The following SEC16B variants were observed in gnomAD, a reference collection of about 807,000 sequenced individuals.
SEC16B encodes protein transport protein Sec16B.
In SEC16B, 115 loss-of-function variants were observed where a neutral mutation model predicts 141.8. That is an observed-to-expected ratio of 0.81 (90% CI 0.70 to 0.95). The LOEUF (loss-of-function observed/expected upper bound fraction) is 0.95. Among genes scored for constraint, SEC16B ranks in the 40% least tolerant of loss-of-function variants. The pLI, the probability that SEC16B is intolerant of heterozygous loss-of-function variation, is 0.00. For missense variants in SEC16B, 1,291 were observed against 1,312.3 expected (o/e 0.98, Z 0.25); for synonymous variants, 493 against 492.5 (o/e 1.00, Z -0.01).
chr1:177,967,547 C>T (rs1445513411), intron 2 of SEC16B, 136 bp downstream of exon 2: 2 of 875,394 alleles, frequency 2.3e-6, no homozygotes, highest in East Asian at 5.3e-5. Flanking sequence ...CAGGATTTAG[C>T]TAAAGCCACG....
At position 177,958,235 on chromosome 1, in the gene SEC16B, G is replaced by A; in HGVS notation, c.1262C>T (p.Ser421Phe). ...LTDEDWPVLS[S>F]GTPNLLTGEI... Reference sequence around the variant, plus strand: ...TCCCGTGAGCAGGTTCGGGGTCCCAGAGCTCAGCACTGGCCAGTCCTCATC... The same window carrying A: ...TCCCGTGAGCAGGTTCGGGGTCCCAAAGCTCAGCACTGGCCAGTCCTCATC... Residue 421 changes from serine (S) to phenylalanine (F), a missense_variant, in exon 10 of 26, where the codon TCT becomes TTT. By Grantham distance (155) the Ser-to-Phe change is radical. Transcript: ENST00000308284. 2 of 1,606,134 alleles carry A rather than the reference G, an allele frequency of 1.2e-6. No homozygotes were observed. The highest frequency in any genetic ancestry group is 1.7e-6 in the Non-Finnish European group (2 of 1,176,124).
At chr1:177,933,993 C>CCCCG (rs1272416013) in intron 20 of SEC16B, among the ~76,000 whole-genome samples, 2 of 150,338 alleles carry the variant, frequency 1.3e-5, no homozygotes, top group African/African-American at 4.9e-5. Context: ...ACAAGCTCCC[C>CCCCG]CCAAAAAAAA....
In SEC16B at chr1:177,937,409, G is replaced by A. The variant is rs752270188; in HGVS notation, c.2308C>T (p.Pro770Ser). The A allele has an allele frequency of 3.1e-6, 5 of 1,610,054 alleles. No individual in the cohort carries two copies. In the Admixed American group the frequency reaches 6.7e-5, roughly 22 times the overall value. Residue 770 changes from proline to serine, a missense_variant, in exon 19 of 26, where the codon CCC (proline) becomes TCC (serine). By Grantham distance (74) the Pro-to-Ser change is moderately conservative. Coordinates refer to ENST00000308284, the MANE Select transcript of SEC16B (RefSeq NM_033127.4). Reference protein sequence around the residue: ...LTPEQTCLLQPSPQQPFPLQP... With the variant: ...LTPEQTCLLQSSPQQPFPLQP... ...AGGGGAAAGGGCTGCTGTGGGCTGG[G>A]CTGGAGCAGGCAGGTCTGCTCAGGT...
intron 10 of SEC16B, among the ~76,000 whole-genome samples, chr1:177,954,871 T>A (rs1652479414): frequency 6.6e-6 from 1 of 152,146 alleles, no homozygotes; most frequent in Admixed American, 6.5e-5. Flanking sequence ...ATATATACAA[T>A]TTTTGTCAAT....
chr1:177,954,385 C>A lies in SEC16B; in HGVS notation c.1366-9G>T. ...GCCCACTCCAAGGCTTCCTGAAAAC[C>A]AAAACATCACATTCAAGAGTGCCTT... On this transcript the variant is annotated splice_polypyrimidine_tract_variant and intron_variant, in intron 10 of 25. Transcript: ENST00000308284. The A allele has an allele frequency of 6.4e-7, 1 of 1,561,560 alleles. No individual in the cohort carries two copies. Among genetic ancestry groups the A allele is most frequent in the Non-Finnish European group, 8.7e-7 (1 of 1,151,214 alleles).
chr1:177,937,625 C>T (rs546572569), intron 18 of SEC16B, 112 bp from the exon 19 acceptor site: 15 of 934,374 alleles, frequency 1.6e-5, no homozygotes, highest in South Asian at 3.7e-5. Context: ...GTCACAAGGA[C>T]GAGCTGTCTA....
chr1:177,960,481 C>A (rs1293500589), intron 7 of SEC16B, 78 bp from the exon 8 acceptor site: 5 of 1,027,428 alleles, frequency 4.9e-6, no homozygotes, highest in Non-Finnish European at 7.5e-6. Context: ...AGTGTCAGAC[C>A]CCAAGGCCGT....
upstream of SEC16B, among the ~76,000 whole-genome samples, chr1:177,971,809 G>C (rs1250873858): frequency 5.3e-5 from 8 of 152,210 alleles, no homozygotes; most frequent in African/African-American, 1.7e-4. Context: ...TTGCACACCA[G>C]TGCAAGTTTA....
At chr1:177,945,692 G>GCTTCA (rs1272590488) in intron 14 of SEC16B, 1 of 152,284 alleles carries the variant, frequency 6.6e-6, no homozygotes, top group South Asian at 2.1e-4. Context: ...TAAAATCTTT[G>GCTTCA]CTTCACTTCA....
upstream of SEC16B, chr1:177,970,190 A>C (rs1470819362): frequency 1.3e-5 from 2 of 152,244 alleles, no homozygotes; most frequent in Non-Finnish European, 2.9e-5. Context: ...GTTCACTCAC[A>C]TGAGAAATCA....
intron 18 of SEC16B, 82 bp downstream of exon 18, chr1:177,939,620 G>A (rs1035474881): frequency 2.5e-6 from 3 of 1,211,524 alleles, no homozygotes; most frequent in African/African-American, 3.0e-5. Context: ...CAAAGGGCGA[G>A]TGCTTTCATA....
chr1:177,972,361 C>T (rs978240315), upstream of SEC16B, among the ~76,000 whole-genome samples: 38 of 152,144 alleles, frequency 2.5e-4, no homozygotes, highest in Non-Finnish European at 3.1e-4. Flanking sequence ...AGTCTTTCGA[C>T]CTGGCAGCTC....
At chr1:177,952,059 A>G (rs1208157249) in intron 11 of SEC16B, 64 bp from the exon 12 acceptor site, 1 of 1,340,268 alleles carries the variant, frequency 7.5e-7, no homozygotes, top group Non-Finnish European at 1.0e-6. Flanking sequence ...ATTGCCCACA[A>G]GGCTCAGGGC....
chr1:177,960,188 C>A (rs1235178164), intron 8 of SEC16B, 154 bp downstream of exon 8: 1 of 627,288 alleles, frequency 1.6e-6, no homozygotes, highest in African/African-American at 1.8e-5. Context: ...CAGGCCACAT[C>A]TGGTTCTATC....
chr1:177,929,985 G>T, intron 25 of SEC16B, 56 bp from the exon 26 acceptor site: 1 of 1,565,070 alleles, frequency 6.4e-7, no homozygotes, highest in Non-Finnish European at 8.7e-7. Flanking sequence ...GACTCTGCCC[G>T]GGGTTGATTG....
chr1:177,979,394 GA>G (rs1654309705), intron 1 of SEC16B, among the ~76,000 whole-genome samples: 1 of 152,210 alleles, frequency 6.6e-6, no homozygotes, highest in South Asian at 2.1e-4. Context: ...TCCATGTACA[GA>G]AATGGCCCGT....
At chr1:177,940,085 TAAAA>T (rs553253834) in intron 17 of SEC16B, among the ~76,000 whole-genome samples, 1 of 152,116 alleles carries the variant, frequency 6.6e-6, no homozygotes, top group Non-Finnish European at 1.5e-5. Flanking sequence ...GTGTGTGCTT[TAAAA>T]AATCCACCCT....
chr1:177,933,471 C>A lies in SEC16B; in HGVS notation c.2724+13G>T, dbSNP rs200238787. 173 of 1,610,170 alleles carry A rather than the reference C, an allele frequency of 1.1e-4. No homozygotes were observed. Among genetic ancestry groups the A allele is most frequent in the Non-Finnish European group, 1.5e-4 (172 of 1,178,110 alleles). On this transcript the variant is annotated intron_variant, in intron 21 of 25. Coordinates refer to ENST00000308284, the MANE Select transcript of SEC16B (RefSeq NM_033127.4). ...GGAAGGAAGGCAGGGGAGAGAAGAACAAGTCCCTCCACCTTTGTATGCTCC... is the reference window on the plus strand; with the variant it reads ...GGAAGGAAGGCAGGGGAGAGAAGAAAAAGTCCCTCCACCTTTGTATGCTCC...
chr1:177,938,545 C>T (rs774522282), intron 18 of SEC16B, among the ~76,000 whole-genome samples: 3 of 152,184 alleles, frequency 2.0e-5, no homozygotes, highest in South Asian at 2.1e-4. Flanking sequence ...TCCCAGCCTG[C>T]GGGATGGCCA....
Sources: allele counts gnomAD v4.1 joint callset (sites outside exome capture counted in the v4.1 genomes callset), GRCh38; gene constraint gnomAD v4.1.1; transcripts MANE v1.5; gene names NCBI Gene and HGNC (gene_info 2026-07-23, HGNC 2026-07-21).